The following COTL1 variants were observed in gnomAD, a reference collection of about 807,000 sequenced individuals.
COTL1 encodes coactosin like F-actin binding protein 1.
In COTL1, 15 loss-of-function variants were observed where a neutral mutation model predicts 16.5. The ratio of observed to expected loss-of-function variants is 0.91; its 90% CI spans 0.61 to 1.40. The LOEUF is 1.40. Among genes scored for constraint, COTL1 ranks in the 40% most tolerant of loss-of-function variants. The probability of loss-of-function intolerance (pLI) is 0.00; values close to 1 mark genes in which losing one functional copy is unlikely to be tolerated. For missense variants in COTL1, 220 were observed against 201.5 expected (o/e 1.09, Z -0.56); for synonymous variants, 112 against 85.3 (o/e 1.31, Z -1.73).
intron 2 of COTL1, among the ~76,000 whole-genome samples, chr16:84,613,893 G>A (rs1182324667): frequency 6.6e-6 from 1 of 151,994 alleles, no homozygotes; most frequent in African/African-American, 2.4e-5. Context: ...TCCATGATTG[G>A]TCTAGGGATG....
rs1045330077 is a variant in COTL1, at chr16:84,603,476, C to A, written c.161-13214G>T. ...ACTGAGAGCCCAGGGGACCAGCAAG[C>A]CTCCCCCTGGAGGTCTCCTCATCGG... On this transcript the variant is annotated intron_variant, in intron 2 of 3. Transcript: ENST00000262428. Among the ~76,000 whole-genome samples, 2 of 152,122 alleles carry A rather than the reference C, an allele frequency of 1.3e-5. 1 individual carries two copies. The highest frequency in any genetic ancestry group is 1.3e-4 in the Admixed American group (2 of 15,276).
chr16:84,608,075 T>C (rs578036548), intron 2 of COTL1, among the ~76,000 whole-genome samples: 1 of 151,886 alleles, frequency 6.6e-6, no homozygotes, highest in Admixed American at 6.5e-5. Flanking sequence ...GTAAAGTGGA[T>C]CAGAGACAAA....
intron 2 of COTL1, among the ~76,000 whole-genome samples, chr16:84,592,811 C>T (rs921507213): frequency 5.3e-5 from 8 of 152,148 alleles, no homozygotes; most frequent in Admixed American, 2.0e-4. Flanking sequence ...AACAAGAAGC[C>T]GGGTGGTCTA....
chr16:84,588,535 C>A lies in COTL1; in HGVS notation c.318+1570G>T, dbSNP rs116716362. 6.7e-3 allele frequency among the ~76,000 whole-genome samples: 1,022 copies of A among 152,260 alleles called. 13 individuals are homozygous for A. The highest frequency in any genetic ancestry group is 0.024 in the African/African-American group (984 of 41,540). On this transcript the variant is annotated intron_variant, in intron 3 of 3. Coordinates refer to ENST00000262428, the MANE Select transcript of COTL1 (RefSeq NM_021149.5). ...TTTCTTTTTGCAACAGGGTCTCACT[C>A]AGTCTGACTACACTCACTCAGTCTG... is the stretch of plus-strand genomic sequence containing the variant.
At position 84,590,110 on chromosome 16, in the gene COTL1, C is replaced by A. The variant is rs753341912; in HGVS notation, c.313G>T (p.Val105Leu). ...ACTCTGGAGGAACTCAGTACCTGTA[C>A]GACCTCCTTCACCAGGGTCTTGTCC... Reference protein sequence around the residue: ...GTDKTLVKEVVQNFAKEFVIS... With the variant: ...GTDKTLVKEVLQNFAKEFVIS... The change falls in exon 3 of 4, where the codon GTA becomes TTA. Residue 105 changes from valine (V) to leucine (L), a missense_variant. Val to Leu is a conservative substitution (Grantham distance 32). Transcript: ENST00000262428. This position sits in a 1 kb window ranked among gnomAD's most constrained non-coding sequence, Gnocchi z 5.5. 1.9e-6 allele frequency: 3 copies of A among 1,613,244 alleles called. No homozygotes were observed. The highest frequency in any genetic ancestry group is 2.2e-5 in the East Asian group (1 of 44,870).
chr16:84,608,065 G>T (rs544787862), intron 2 of COTL1, among the ~76,000 whole-genome samples: 2 of 151,950 alleles, frequency 1.3e-5, no homozygotes, highest in Non-Finnish European at 2.9e-5. Context: ...CTGGAGGGAG[G>T]TAAAGTGGAT....
chr16:84,587,404 A>G (rs898454400), intron 3 of COTL1, among the ~76,000 whole-genome samples: 2 of 152,226 alleles, frequency 1.3e-5, no homozygotes, highest in African/African-American at 4.8e-5. Flanking sequence ...TTCTAAAAGA[A>G]TAACTCAACA....
At chr16:84,581,075 G>A (rs1006743590) in intron 3 of COTL1, among the ~76,000 whole-genome samples, 9 of 151,838 alleles carry the variant, frequency 5.9e-5, no homozygotes, top group Non-Finnish European at 1.3e-4. Context: ...CCAGGAGACG[G>A]AGGCTGCAGT....
At chr16:84,604,839 G>C (rs886542048) in intron 2 of COTL1, among the ~76,000 whole-genome samples, 1 of 152,196 alleles carries the variant, frequency 6.6e-6, no homozygotes, top group Non-Finnish European at 1.5e-5. Context: ...AGCAGCAGCA[G>C]CTTTTATTTG....
chr16:84,592,746 TC>T (rs1375271192), intron 2 of COTL1, among the ~76,000 whole-genome samples: 2 of 151,930 alleles, frequency 1.3e-5, no homozygotes, highest in African/African-American at 4.8e-5. Context: ...GCTGACAAGC[TC>T]ACTTCCTGGT....
chr16:84,593,474 T>C (rs139920263), intron 2 of COTL1, among the ~76,000 whole-genome samples: 1,043 of 95,052 alleles, frequency 0.011, 8 homozygotes, highest in African/African-American at 0.041. Context: ...CTTTTCTTTA[T>C]TGAGATAAAA....
intron 3 of COTL1, among the ~76,000 whole-genome samples, chr16:84,585,746 T>C (rs942119834): frequency 6.6e-6 from 1 of 152,120 alleles, no homozygotes; most frequent in African/African-American, 2.4e-5. Context: ...AATGGACCCT[T>C]TGTCACCTAA....
rs1197978373 is a variant in COTL1 at position 84,566,925 on chromosome 16, G to A, written c.349C>T (p.Arg117Trp). Residue 117 changes from arginine to tryptophan, a missense_variant, in exon 4 of 4, where the codon CGG (arginine) becomes TGG (tryptophan). Coordinates refer to ENST00000262428, the MANE Select transcript of COTL1 (RefSeq NM_021149.5). Reference protein sequence around the residue: ...NFAKEFVISDRKELEEDFIKS... With the variant: ...NFAKEFVISDWKELEEDFIKS... ...ATGAAATCTTCCTCCAGCTCCTTCCGATCACTGATCACAAACTCCTTAGCG... is the reference window on the plus strand; with the variant it reads ...ATGAAATCTTCCTCCAGCTCCTTCCAATCACTGATCACAAACTCCTTAGCG... The A allele has an allele frequency of 9.3e-6, 15 of 1,613,790 alleles. No homozygotes were observed. The highest frequency in any genetic ancestry group is 4.0e-5 in the African/African-American group (3 of 75,022).
At chr16:84,605,982 T>C (rs73257507) in intron 2 of COTL1, among the ~76,000 whole-genome samples, 1,914 of 152,340 alleles carry the variant, frequency 0.013, 39 homozygotes, top group African/African-American at 0.043. Context: ...CCTAAGTACC[T>C]AGAAGACAAA....
In COTL1 at chr16:84,617,528, A is replaced by G; in HGVS notation, c.133T>C (p.Tyr45His). ...GTGCACTGCTGGATGAAGTGCTGGTACTCCGCTCCCTGCTCGCCGGGGACG... is the reference window on the plus strand; with the variant it reads ...GTGCACTGCTGGATGAAGTGCTGGTGCTCCGCTCCCTGCTCGCCGGGGACG... ...TIVPGEQGAE[Y>H]QHFIQQCTDD... Residue 45 changes from tyrosine to histidine, a missense_variant, in exon 2 of 4, where the codon TAC becomes CAC. Tyr to His is a moderately conservative substitution (Grantham distance 83, BLOSUM62 2). Coordinates refer to ENST00000262428, the MANE Select transcript of COTL1 (RefSeq NM_021149.5). 1 of 1,556,074 alleles carries G rather than the reference A, an allele frequency of 6.4e-7. No homozygotes were observed. The highest frequency in any genetic ancestry group is 1.2e-5 in the South Asian group (1 of 84,430).
At chr16:84,617,174 G>A (rs1905508975) in intron 2 of COTL1, among the ~76,000 whole-genome samples, 2 of 94,960 alleles carry the variant, frequency 2.1e-5, no homozygotes, top group Admixed American at 1.8e-4. Context: ...GGGGACAGTG[G>A]GAAGAGCTGG....
rs1904297105 is a variant in COTL1, at chr16:84,566,098, A to G, written c.*747T>C. ...GACCTTTGCCCTTCTCTGTGTCACA[A>G]GGAAATTTCGGTCAAGAGGGTGGGA... is the stretch of plus-strand genomic sequence containing the variant. On this transcript the variant is annotated 3_prime_UTR_variant, in exon 4 of 4. Transcript: ENST00000262428. 1.3e-5 allele frequency: 2 copies of G among 152,722 alleles called. No individual in the cohort carries two copies. The highest frequency in any genetic ancestry group is 4.8e-5 in the African/African-American group (2 of 41,462). 9.5% of individuals were successfully genotyped at this position (152,722 alleles called of 1,614,324 possible). A position where few individuals can be genotyped will look rare whatever the true frequency, so the allele number is the denominator to read the frequency against.
At chr16:84,591,112 C>T (rs1317865024) in intron 2 of COTL1, among the ~76,000 whole-genome samples, 3 of 151,928 alleles carry the variant, frequency 2.0e-5, no homozygotes, top group Admixed American at 6.6e-5. Flanking sequence ...AAATTTGTTT[C>T]ACAATCCACT....
intron 2 of COTL1, among the ~76,000 whole-genome samples, chr16:84,608,643 C>T (rs1257015979): frequency 6.6e-6 from 1 of 152,198 alleles, no homozygotes; most frequent in African/African-American, 2.4e-5. Flanking sequence ...GGGTGGCTCA[C>T]GCCTGTAATT....
Sources: gnomAD v4.1 joint callset for allele counts (sites outside exome capture counted in the v4.1 genomes callset) on GRCh38, gnomAD v4.1.1 for gene constraint, Gnocchi (gnomAD v3.1) non-coding constraint, MANE v1.5 for transcripts, NCBI Gene and HGNC (gene_info 2026-07-23, HGNC 2026-07-21) for gene names.